XYLT1: variants seen among roughly 807,000 people sequenced by gnomAD.
XYLT1 encodes the protein beta-D-xylosyltransferase 1.
XYLT1 carries 36 observed loss-of-function variants against 91.3 expected under a neutral mutation model. The observed-to-expected ratio is 0.39, with a 90% confidence interval of 0.30 to 0.52. XYLT1 has a LOEUF of 0.52. Among genes scored for constraint, XYLT1 ranks in the 20% least tolerant of loss-of-function variants. The pLI, the probability that XYLT1 is intolerant of heterozygous loss-of-function variation, is 0.68. For synonymous variants in XYLT1, 588 were observed against 532.0 expected (o/e 1.11, Z -1.45); for missense variants, 1,242 against 1,284.5 (o/e 0.97, Z 0.51).
chr16:17,380,860 A>T (rs74385066), intron 1 of XYLT1, among the ~76,000 whole-genome samples: 210 of 152,340 alleles, frequency 1.4e-3, no homozygotes, highest in Non-Finnish European at 2.5e-3. Flanking sequence ...ACAGGGACAA[A>T]CCTCAAAGAC....
At chr16:17,350,640 GA>G (rs993182714) in intron 2 of XYLT1, among the ~76,000 whole-genome samples, 143 of 152,246 alleles carry the variant, frequency 9.4e-4, no homozygotes, top group African/African-American at 3.2e-3. Context: ...GCTGACGGGG[GA>G]AAAAAACATA....
At chr16:17,247,887 G>T (rs998266918) in intron 3 of XYLT1, among the ~76,000 whole-genome samples, 3 of 152,162 alleles carry the variant, frequency 2.0e-5, no homozygotes, top group African/African-American at 7.2e-5. Flanking sequence ...CTAAGAACTT[G>T]GGGGCAGGGG....
At chr16:17,197,014 A>ATATATATATATATATATATATATATATAT (rs1597184723) in intron 5 of XYLT1, among the ~76,000 whole-genome samples, 4 of 110,508 alleles carry the variant, frequency 3.6e-5, no homozygotes, top group African/African-American at 1.8e-4. Context: ...CTGTCTCCAA[A>ATATATATATATATATATATATATATATAT]ATATATATAT....
intron 7 of XYLT1, among the ~76,000 whole-genome samples, 153 bp downstream of exon 7, chr16:17,141,000 C>T (rs2030955705): frequency 6.6e-6 from 1 of 152,176 alleles, no homozygotes; most frequent in Non-Finnish European, 1.5e-5. Context: ...GGAGGGAGAC[C>T]AGGCATCCTG....
chr16:17,192,092 CTTTTTTTTTTTTTT>C (rs550488299), intron 5 of XYLT1, among the ~76,000 whole-genome samples: 1 of 126,802 alleles, frequency 7.9e-6, no homozygotes, highest in Non-Finnish European at 1.6e-5. Context: ...CTCTCTCTCT[CTTTTTTTTTTTTTT>C]TTTTTTTTTT....
chr16:17,333,742 C>G (rs1183768102), intron 2 of XYLT1, among the ~76,000 whole-genome samples: 1 of 151,888 alleles, frequency 6.6e-6, no homozygotes. Context: ...CATGTACCAC[C>G]ATGCCTGGCC....
At chr16:17,228,546 T>G (rs2033106993) in intron 3 of XYLT1, among the ~76,000 whole-genome samples, 1 of 151,920 alleles carries the variant, frequency 6.6e-6, no homozygotes, top group Non-Finnish European at 1.5e-5. Flanking sequence ...AAGCAGCCAA[T>G]AGGGGACTTA....
chr16:17,266,075 G>C (rs1340839881), intron 2 of XYLT1, among the ~76,000 whole-genome samples: 1 of 152,192 alleles, frequency 6.6e-6, no homozygotes, highest in Non-Finnish European at 1.5e-5. Context: ...ACCAGGAACT[G>C]AGGACAAAAT....
chr16:17,303,878 T>C (rs1445218247), intron 2 of XYLT1, among the ~76,000 whole-genome samples: 2 of 152,220 alleles, frequency 1.3e-5, no homozygotes, highest in Non-Finnish European at 2.9e-5. Flanking sequence ...GCTTATCTTA[T>C]AAACACTGTG....
At chr16:17,338,786 T>A (rs570731925) in intron 2 of XYLT1, among the ~76,000 whole-genome samples, 1 of 152,122 alleles carries the variant, frequency 6.6e-6, no homozygotes, top group East Asian at 1.9e-4. Flanking sequence ...GCTTTCACCA[T>A]ATTGGTCAGG....
At chr16:17,258,692 C>T (rs1195422882) in intron 3 of XYLT1, among the ~76,000 whole-genome samples, 1 of 152,158 alleles carries the variant, frequency 6.6e-6, no homozygotes, top group Non-Finnish European at 1.5e-5. Context: ...AATACAGCTC[C>T]CTTGGCTCCT....
chr16:17,379,283 G>A (rs2035641275), intron 1 of XYLT1, among the ~76,000 whole-genome samples: 1 of 152,204 alleles, frequency 6.6e-6, no homozygotes, highest in South Asian at 2.1e-4. Flanking sequence ...TAGAAGAAAA[G>A]ACTCAGGAGT....
intron 2 of XYLT1, among the ~76,000 whole-genome samples, chr16:17,298,883 T>C (rs954414149): frequency 6.6e-6 from 1 of 152,146 alleles, no homozygotes; most frequent in Admixed American, 6.5e-5. Context: ...CCCTGCCCCA[T>C]AGGCATTCCC....
At chr16:17,298,317 G>C (rs1187613006) in intron 2 of XYLT1, among the ~76,000 whole-genome samples, 2 of 152,148 alleles carry the variant, frequency 1.3e-5, no homozygotes, top group Non-Finnish European at 2.9e-5. Flanking sequence ...CATAACTAAC[G>C]TTCCCTGCAC....
At chr16:17,396,786 G>A (rs1423116955) in intron 1 of XYLT1, among the ~76,000 whole-genome samples, 1 of 152,112 alleles carries the variant, frequency 6.6e-6, no homozygotes, top group Admixed American at 6.5e-5. Flanking sequence ...CAGGAGAATG[G>A]CTTGAACCCA....
chr16:17,128,374 T>A (rs528203199), intron 9 of XYLT1, among the ~76,000 whole-genome samples: 1 of 152,238 alleles, frequency 6.6e-6, no homozygotes, highest in Non-Finnish European at 1.5e-5. Context: ...TTTGTATGTG[T>A]TGATGCTCGG....
intron 2 of XYLT1, among the ~76,000 whole-genome samples, chr16:17,324,351 C>T (rs538208944): frequency 1.4e-4 from 22 of 152,250 alleles, no homozygotes; most frequent in South Asian, 2.1e-4. Context: ...ATGACACATG[C>T]GGTGAGGACC....
rs776180452 is a variant in XYLT1 at position 17,378,197 on chromosome 16, CA to C, written c.364-20148del. 7.2e-5 allele frequency among the ~76,000 whole-genome samples: 11 copies of C among 152,080 alleles called. No homozygotes were observed. In the South Asian group the frequency reaches 1.5e-3, roughly 20 times the overall value. ...ATTTCACTTCCCCTATAATTAAACA[CA>C]ACAAATGGCACGAATGTTGAAGGGA... is the stretch of plus-strand genomic sequence containing the variant. On this transcript the variant is annotated intron_variant, in intron 1 of 11. Coordinates refer to ENST00000261381, the MANE Select transcript of XYLT1 (RefSeq NM_022166.4).
intron 10 of XYLT1, among the ~76,000 whole-genome samples, chr16:17,126,701 G>A (rs549986392): frequency 1.3e-5 from 2 of 152,266 alleles, no homozygotes; most frequent in South Asian, 2.1e-4. Flanking sequence ...GACAAATCAC[G>A]TCCTTAGCAC....
Sources: gnomAD v4.1 joint callset for allele counts (sites outside exome capture counted in the v4.1 genomes callset) on GRCh38, gnomAD v4.1.1 for gene constraint, MANE v1.5 for transcripts, NCBI Gene and HGNC (gene_info 2026-07-23, HGNC 2026-07-21) for gene names.